CNTNAP2: variants seen among roughly 807,000 people sequenced by gnomAD.
CNTNAP2 encodes contactin associated protein 2.
Under a neutral mutation model 155.2 loss-of-function variants are expected in CNTNAP2, and 98 were observed. That is an observed-to-expected ratio of 0.63 (90% confidence interval 0.54 to 0.75). The LOEUF is 0.75. CNTNAP2 is among the 30% of genes least tolerant of loss of function. CNTNAP2 has a pLI of 0.00. For missense variants in CNTNAP2, 1,727 were observed against 1,688.1 expected, an observed-to-expected ratio of 1.02 and a Z score of -0.40; for synonymous variants, 651 against 631.2, an observed-to-expected ratio of 1.03 and a Z score of -0.47.
At chr7:147,238,310 C>T (rs370953613) in intron 8 of CNTNAP2, among the ~76,000 whole-genome samples, 98 of 152,208 alleles carry the variant, frequency 6.4e-4, no homozygotes, top group African/African-American at 2.1e-3. Context: ...CCACCGTGCC[C>T]GGCCTCAAAT....
chr7:146,191,940 C>A (rs1381125170), intron 1 of CNTNAP2, among the ~76,000 whole-genome samples: 2 of 152,086 alleles, frequency 1.3e-5, no homozygotes, highest in African/African-American at 4.8e-5. Flanking sequence ...ACATCCTCAG[C>A]TTACGAAGAT....
intron 1 of CNTNAP2, among the ~76,000 whole-genome samples, chr7:146,242,128 T>C (rs1341731533): frequency 6.6e-6 from 1 of 152,204 alleles, no homozygotes; most frequent in Non-Finnish European, 1.5e-5. Context: ...GTTTCACTCA[T>C]TGTTTTTGTA....
At chr7:148,263,893 A>C (rs1409861540) in intron 20 of CNTNAP2, among the ~76,000 whole-genome samples, 1 of 148,658 alleles carries the variant, frequency 6.7e-6, no homozygotes, top group Non-Finnish European at 1.5e-5. Context: ...AAAATAATAT[A>C]AAATGGCTGC....
At chr7:147,335,229 C>G (rs889782280) in intron 9 of CNTNAP2, among the ~76,000 whole-genome samples, 1 of 152,120 alleles carries the variant, frequency 6.6e-6, no homozygotes, top group African/African-American at 2.4e-5. Context: ...AGGACTCATG[C>G]TGAGTTAATG....
chr7:147,001,964 A>G (rs2129241204), intron 3 of CNTNAP2, among the ~76,000 whole-genome samples: 1 of 152,114 alleles, frequency 6.6e-6, no homozygotes, highest in East Asian at 1.9e-4. Context: ...GTAAATTAAA[A>G]ATGTAATAGG....
chr7:146,191,776 C>A (rs1398210449), intron 1 of CNTNAP2, among the ~76,000 whole-genome samples: 1 of 152,178 alleles, frequency 6.6e-6, no homozygotes, highest in African/African-American at 2.4e-5. Context: ...GGCTCTCAGG[C>A]AGTCAGACCT....
At chr7:147,590,222 A>G (rs2116842419) in intron 12 of CNTNAP2, among the ~76,000 whole-genome samples, 1 of 152,196 alleles carries the variant, frequency 6.6e-6, no homozygotes, top group African/African-American at 2.4e-5. Flanking sequence ...TTATTTATTT[A>G]AAAAAATTAT....
intron 15 of CNTNAP2, among the ~76,000 whole-genome samples, chr7:148,067,435 A>T (rs1197063823): frequency 6.6e-6 from 1 of 152,232 alleles, no homozygotes; most frequent in South Asian, 2.1e-4. Context: ...ATCTGCAAAG[A>T]GTCCTGTGAC....
chr7:146,503,900 G>A (rs1797342884), intron 1 of CNTNAP2, among the ~76,000 whole-genome samples: 1 of 152,144 alleles, frequency 6.6e-6, no homozygotes, highest in Non-Finnish European at 1.5e-5. Context: ...ACACTCAAGG[G>A]ACCATAGGCA....
In CNTNAP2 at chr7:147,459,421, A is replaced by G. The variant is rs192653313; in HGVS notation, c.1671-26514A>G. Among the ~76,000 whole-genome samples the G allele has an allele frequency of 2.0e-5, 3 of 152,250 alleles. No individual in the cohort carries two copies. In the East Asian group the frequency reaches 5.8e-4, roughly 29 times the overall value. ...CCAGAATGTACTAATCCCCAAACCT[A>G]TGAATATGTCACCTGACATGACAGC... On this transcript the variant is annotated intron_variant, in intron 10 of 23. Transcript: ENST00000361727.
chr7:146,976,565 C>G (rs1224496886), intron 3 of CNTNAP2, among the ~76,000 whole-genome samples: 3 of 152,138 alleles, frequency 2.0e-5, no homozygotes, highest in African/African-American at 4.8e-5. Flanking sequence ...ACAAAGGATA[C>G]AGATGAAGAG....
rs73741709 is a variant in CNTNAP2 at position 146,476,065 on chromosome 7, G to T, written c.98-298206G>T. 8.1e-3 allele frequency among the ~76,000 whole-genome samples: 1,229 copies of T among 152,274 alleles called. 20 individuals carry two copies. Among genetic ancestry groups the T allele is most frequent in the African/African-American group, 0.028 (1,154 of 41,568 alleles). On this transcript the variant is annotated intron_variant, in intron 1 of 23. Coordinates refer to ENST00000361727, the MANE Select transcript of CNTNAP2 (RefSeq NM_014141.6). Reference sequence around the variant, plus strand: ...GTTGTTGAAACCGAAAACGGAATCAGCTCTCACTGAAATGTGTTTCCCATT... The same window carrying T: ...GTTGTTGAAACCGAAAACGGAATCATCTCTCACTGAAATGTGTTTCCCATT...
chr7:147,432,392 G>C (rs1346268143), intron 10 of CNTNAP2, among the ~76,000 whole-genome samples: 2 of 152,184 alleles, frequency 1.3e-5, no homozygotes, highest in Admixed American at 6.5e-5. Context: ...AGACAAAGCT[G>C]TGTTTTTTAA....
At position 147,170,200 on chromosome 7, in the gene CNTNAP2, C is replaced by A. The variant is rs568529482; in HGVS notation, c.1348+37691C>A. Among the ~76,000 whole-genome samples the A allele has an allele frequency of 3.3e-5, 5 of 152,148 alleles. No homozygotes were observed. The South Asian group carries it at 1.0e-3, about 32-fold the overall frequency. On this transcript the variant is annotated intron_variant, in intron 8 of 23. Coordinates refer to ENST00000361727, the MANE Select transcript of CNTNAP2 (RefSeq NM_014141.6). Reference sequence around the variant, plus strand: ...GCTGTTGAATTCTTGTCCTTGGCTTCCAAGGCGGGTGAATGGTTTTGTGGT... The same window carrying A: ...GCTGTTGAATTCTTGTCCTTGGCTTACAAGGCGGGTGAATGGTTTTGTGGT...
chr7:147,107,482 A>G (rs976884101), intron 4 of CNTNAP2, among the ~76,000 whole-genome samples: 1 of 152,260 alleles, frequency 6.6e-6, no homozygotes, highest in Middle Eastern at 3.4e-3. Context: ...TCTGTGTCCA[A>G]TGTAGTGAAA....
intron 9 of CNTNAP2, among the ~76,000 whole-genome samples, chr7:147,339,204 AT>A (rs60114105): frequency 0.39 from 59,859 of 151,782 alleles, 13,016 homozygotes; most frequent in African/African-American, 0.58. Flanking sequence ...TCCAAAAAAA[AT>A]GATATTAAAA....
At chr7:148,364,501 CTG>C (rs1261334377) in intron 21 of CNTNAP2, among the ~76,000 whole-genome samples, 4 of 152,138 alleles carry the variant, frequency 2.6e-5, no homozygotes, top group African/African-American at 4.8e-5. Flanking sequence ...AATCGGCACT[CTG>C]TATCTAGCTC....
In CNTNAP2 at chr7:146,834,554, G is replaced by A. The variant is rs141082830; in HGVS notation, c.209-5157G>A. 2.8e-3 allele frequency among the ~76,000 whole-genome samples: 420 copies of A among 152,284 alleles called. 12 individuals carry two copies. The highest frequency in any genetic ancestry group is 0.014 in the Middle Eastern group (4 of 294). ...AAGAGAGAGCACAGAAGAAGAGAGAGAAGGGGAATGAAGAAACAGCATTCT... is the reference window on the plus strand; with the variant it reads ...AAGAGAGAGCACAGAAGAAGAGAGAAAAGGGGAATGAAGAAACAGCATTCT... On this transcript the variant is annotated intron_variant, in intron 2 of 23. Transcript: ENST00000361727.
intron 6 of CNTNAP2, among the ~76,000 whole-genome samples, chr7:147,123,113 C>T (rs758682060): frequency 2.8e-4 from 42 of 151,690 alleles, no homozygotes; most frequent in Non-Finnish European, 4.9e-4. Context: ...AGTATTTTAT[C>T]CCTCCCCCTA....
Sources: gnomAD v4.1 joint callset for allele counts (sites outside exome capture counted in the v4.1 genomes callset) on GRCh38, gnomAD v4.1.1 for gene constraint, MANE v1.5 for transcripts, NCBI Gene and HGNC (gene_info 2026-07-23, HGNC 2026-07-21) for gene names.